PRSS12: variants seen among roughly 807,000 people sequenced by gnomAD.
PRSS12 encodes the protein serine protease 12.
Under a neutral mutation model 104.4 loss-of-function variants are expected in PRSS12, and 85 were observed. That is an observed-to-expected ratio of 0.81 (90% CI 0.68 to 0.98). PRSS12 has a LOEUF of 0.98. Ranked by LOEUF, PRSS12 falls within the 50% of genes least tolerant of loss-of-function variation. PRSS12 has a pLI of 0.00. For synonymous variants in PRSS12, 454 were observed against 425.2 expected, an observed-to-expected ratio of 1.07 and a Z score of -0.83; for missense variants, 1,141 against 1,139.2, an observed-to-expected ratio of 1.00 and a Z score of -0.02.
intron 11 of PRSS12, among the ~76,000 whole-genome samples, chr4:118,284,906 A>C (rs542854545): frequency 6.6e-6 from 1 of 152,312 alleles, no homozygotes; most frequent in African/African-American, 2.4e-5. Flanking sequence ...TGTTTACAAG[A>C]CCTGTACTTG....
intron 6 of PRSS12, among the ~76,000 whole-genome samples, chr4:118,315,481 G>A (rs1209214342): frequency 6.6e-6 from 1 of 152,068 alleles, no homozygotes; most frequent in Non-Finnish European, 1.5e-5. Context: ...AATTTTGCCA[G>A]TTTTTTTAAG....
chr4:118,292,427 T>C (rs1046189856), intron 11 of PRSS12, among the ~76,000 whole-genome samples: 1 of 152,182 alleles, frequency 6.6e-6, no homozygotes, highest in African/African-American at 2.4e-5. Context: ...TCTAACATTT[T>C]GGTAAAAATA....
At chr4:118,287,301 A>G (rs968833143) in intron 11 of PRSS12, among the ~76,000 whole-genome samples, 4 of 152,130 alleles carry the variant, frequency 2.6e-5, no homozygotes, top group Non-Finnish European at 5.9e-5. Context: ...GCATGCCACC[A>G]TGCTCACTAA....
At position 118,351,158 on chromosome 4, in the gene PRSS12, T is replaced by C. The variant is rs141224176; in HGVS notation, c.502+1061A>G. Reference sequence around the variant, plus strand: ...ATTGAAGGTACTGATAAATAAAATTTCTCCAGGAAATGAATGACATTGTGA... The same window carrying C: ...ATTGAAGGTACTGATAAATAAAATTCCTCCAGGAAATGAATGACATTGTGA... On this transcript the variant is annotated intron_variant, in intron 1 of 12. Transcript: ENST00000296498. 2.7e-3 allele frequency among the ~76,000 whole-genome samples: 413 copies of C among 152,210 alleles called. 2 individuals carry two copies. The highest frequency in any genetic ancestry group is 9.4e-3 in the African/African-American group (392 of 41,542).
intron 8 of PRSS12, among the ~76,000 whole-genome samples, chr4:118,299,550 C>T (rs533150651): frequency 2.0e-5 from 3 of 151,572 alleles, no homozygotes; most frequent in Non-Finnish European, 2.9e-5. Flanking sequence ...CATGGTGGCA[C>T]GTGCTTGTAA....
intron 2 of PRSS12, 39 bp downstream of exon 2, chr4:118,338,137 T>C (rs747294786): frequency 2.5e-6 from 4 of 1,612,802 alleles, no homozygotes; most frequent in Admixed American, 1.7e-5. Context: ...TATTCTCAAA[T>C]ACTAGCTGAC....
rs74379803 is a variant in PRSS12 at position 118,335,861 on chromosome 4, T to C, written c.642-210A>G. ...TGGTTTGCCTACTTATGGAATTCTT[T>C]TCATCAATCTTAAATAACTACTTTA... On this transcript the variant is annotated intron_variant, in intron 2 of 12. Transcript: ENST00000296498. 4.4e-3 allele frequency among the ~76,000 whole-genome samples: 673 copies of C among 152,310 alleles called. 7 individuals are homozygous for C. The highest frequency in any genetic ancestry group is 0.016 in the African/African-American group (647 of 41,572).
intron 6 of PRSS12, 136 bp from the exon 7 acceptor site, chr4:118,313,533 G>T (rs1271767953): frequency 6.3e-6 from 6 of 954,564 alleles, no homozygotes; most frequent in East Asian, 2.6e-5. Flanking sequence ...CCTACCTTGG[G>T]GACGCAGTTT....
At chr4:118,352,184 T>C (rs1724522338) in intron 1 of PRSS12, 35 bp downstream of exon 1, 1 of 1,608,840 alleles carries the variant, frequency 6.2e-7, no homozygotes, top group Admixed American at 1.7e-5. Context: ...TCCGAGCCCG[T>C]CCGGAGTTTC....
chr4:118,331,916 T>C (rs368832662), intron 3 of PRSS12, 50 bp from the exon 4 acceptor site: 2 of 1,608,556 alleles, frequency 1.2e-6, no homozygotes, highest in African/African-American at 1.3e-5. Flanking sequence ...TTTACATTGA[T>C]TGATAAGATT....
In PRSS12 at chr4:118,294,972, C is replaced by CAGCT. The variant is rs775145863; in HGVS notation, c.2002_2005dup (p.Cys669Ter). 1.2e-5 allele frequency: 19 copies of CAGCT among 1,614,006 alleles called. No homozygotes were observed. Among genetic ancestry groups the CAGCT allele is most frequent in the Non-Finnish European group, 1.5e-5 (18 of 1,180,020 alleles). On this transcript the variant is annotated stop_gained and frameshift_variant, in exon 11 of 13. Coordinates refer to ENST00000296498, the MANE Select transcript of PRSS12 (RefSeq NM_003619.4). LOFTEE classifies it high-confidence loss of function. The stretch of plus-strand genomic sequence containing the variant: ...ACAGTGTGCTGCTGTGAGGACCCAG[C>CAGCT]AGCTACTCAGGAGCGTAGCCCCGCA...
At chr4:118,308,065 A>C (rs947934648) in intron 8 of PRSS12, among the ~76,000 whole-genome samples, 1 of 152,208 alleles carries the variant, frequency 6.6e-6, no homozygotes, top group African/African-American at 2.4e-5. Flanking sequence ...GAAAAATGAG[A>C]ACCAACAGTA....
chr4:118,349,958 G>A (rs905716968), intron 1 of PRSS12, among the ~76,000 whole-genome samples: 3 of 152,088 alleles, frequency 2.0e-5, no homozygotes, highest in African/African-American at 7.2e-5. Context: ...AGCTGAGATT[G>A]CACCACTGCA....
chr4:118,297,648 T>C (rs1487014520), intron 9 of PRSS12, among the ~76,000 whole-genome samples: 1 of 152,132 alleles, frequency 6.6e-6, no homozygotes, highest in Non-Finnish European at 1.5e-5. Flanking sequence ...ACTTATTGCA[T>C]TGTCTTTGGC....
At chr4:118,330,501 C>T (rs1441026826) in intron 4 of PRSS12, among the ~76,000 whole-genome samples, 1 of 151,804 alleles carries the variant, frequency 6.6e-6, no homozygotes, top group African/African-American at 2.4e-5. Flanking sequence ...AAAAACCAAA[C>T]CAAACCAAAA....
intron 11 of PRSS12, among the ~76,000 whole-genome samples, chr4:118,293,139 AG>A (rs1743167908): frequency 6.6e-6 from 1 of 151,974 alleles, no homozygotes; most frequent in Admixed American, 6.5e-5. Context: ...CAGAGATCCT[AG>A]GAACAAGGAT....
chr4:118,295,682 C>A (rs1743236553), intron 10 of PRSS12, 96 bp downstream of exon 10: 1 of 1,132,782 alleles, frequency 8.8e-7, no homozygotes, highest in African/African-American at 1.6e-5. Context: ...AAAATGAGTA[C>A]AAGTCCCTTA....
At chr4:118,312,964 G>A (rs540921971) in intron 7 of PRSS12, 46 of 542,528 alleles carry the variant, frequency 8.5e-5, no homozygotes, top group African/African-American at 8.0e-4. Flanking sequence ...CATTGTTAGT[G>A]AGGAACTTAA....
chr4:118,332,012 T>A, intron 3 of PRSS12, 146 bp from the exon 4 acceptor site: 1 of 964,440 alleles, frequency 1.0e-6, no homozygotes, highest in Non-Finnish European at 1.5e-6. Context: ...CGTATATATA[T>A]CTAATATATT....
Sources: gnomAD v4.1 joint callset for allele counts (sites outside exome capture counted in the v4.1 genomes callset) on GRCh38, gnomAD v4.1.1 for gene constraint, MANE v1.5 for transcripts, NCBI Gene and HGNC (gene_info 2026-07-23, HGNC 2026-07-21) for gene names.